DCAF6: variants seen among roughly 807,000 people sequenced by gnomAD.
The protein encoded by DCAF6 is DDB1 and CUL4 associated factor 6.
A neutral mutation model predicts 125.1 loss-of-function variants in DCAF6; 54 were observed. The observed-to-expected ratio is 0.43, with a 90% confidence interval of 0.35 to 0.54. DCAF6 has a LOEUF of 0.54. Among genes scored for constraint, DCAF6 ranks in the 20% least tolerant of loss-of-function variants. The probability of loss-of-function intolerance (pLI) is 0.01; values close to 1 mark genes in which losing one functional copy is unlikely to be tolerated. For missense variants in DCAF6, 934 were observed against 1,161.7 expected, an observed-to-expected ratio of 0.80 and a Z score of 2.85; for synonymous variants, 371 against 390.4, an observed-to-expected ratio of 0.95 and a Z score of 0.58.
chr1:167,905,994 T>G, the DCAF6 span, among the ~76,000 whole-genome samples: 1 of 152,178 alleles, frequency 6.6e-6, no homozygotes, highest in African/African-American at 2.4e-5. Flanking sequence ...TGGAATAGGT[T>G]ATACAGAAAA....
At chr1:167,993,195 A>G in intron 6 of DCAF6, 31 bp from the exon 7 acceptor site, 1 of 1,549,094 alleles carries the variant, frequency 6.5e-7, no homozygotes, top group Admixed American at 1.9e-5. Context: ...AAACATTATT[A>G]ATTTTAAATA....
chr1:168,064,729 CA>C lies in DCAF6; in HGVS notation c.2440-859del, dbSNP rs1230251749. On this transcript the variant is annotated intron_variant, in intron 18 of 21. Coordinates refer to ENST00000367840, the MANE Select transcript of DCAF6 (RefSeq NM_001198956.2). ...GTAAATTTAACAGTAGCTCAGATAA[CA>C]ATAAAATTGTCTCCCCTCTTTTGTG... Among the ~76,000 whole-genome samples the C allele has an allele frequency of 7.2e-5, 11 of 152,200 alleles. No individual in the cohort carries two copies. The East Asian group carries it at 2.1e-3, about 29-fold the overall frequency.
intron 12 of DCAF6, among the ~76,000 whole-genome samples, chr1:168,034,111 A>G (rs564260852): frequency 5.2e-5 from 8 of 152,390 alleles, no homozygotes; most frequent in Admixed American, 2.0e-4. Flanking sequence ...GAGTAACAAC[A>G]TCAACAATTG....
At chr1:168,019,314 C>G (rs748296532) in intron 11 of DCAF6, among the ~76,000 whole-genome samples, 66 of 152,306 alleles carry the variant, frequency 4.3e-4, no homozygotes, top group Non-Finnish European at 6.9e-4. Context: ...ACCCAAAGTT[C>G]TGGGATTACA....
At chr1:168,042,981 T>G in intron 13 of DCAF6, 44 bp from the exon 14 acceptor site, 1 of 1,406,864 alleles carries the variant, frequency 7.1e-7, no homozygotes, top group Non-Finnish European at 9.9e-7. Flanking sequence ...AAGATCATAT[T>G]GATTAACTTC....
intron 1 of DCAF6, among the ~76,000 whole-genome samples, chr1:167,938,342 T>C (rs1375375794): frequency 6.6e-6 from 1 of 152,192 alleles, no homozygotes; most frequent in Admixed American, 6.5e-5. Context: ...CTTCTCCACA[T>C]TTTGGAGATC....
intron 11 of DCAF6, among the ~76,000 whole-genome samples, chr1:168,022,446 T>C (rs1461079811): frequency 6.6e-6 from 1 of 152,212 alleles, no homozygotes; most frequent in Non-Finnish European, 1.5e-5. Flanking sequence ...GTTTTTAAAG[T>C]CATGCATGTT....
At chr1:167,959,140 G>A (rs1325132786) in intron 2 of DCAF6, among the ~76,000 whole-genome samples, 1 of 152,172 alleles carries the variant, frequency 6.6e-6, no homozygotes, top group African/African-American at 2.4e-5. Context: ...ATAGTATGTA[G>A]CCTTTTCAGA....
At chr1:167,954,287 C>A (rs1251369266) in intron 2 of DCAF6, among the ~76,000 whole-genome samples, 2 of 151,986 alleles carry the variant, frequency 1.3e-5, no homozygotes, top group Non-Finnish European at 2.9e-5. Flanking sequence ...GCCACTGCAC[C>A]CCACCCACTC....
the DCAF6 span, chr1:167,901,726 C>A: frequency 6.2e-7 from 1 of 1,614,186 alleles, no homozygotes. Flanking sequence ...CATGGATCTC[C>A]AGGCTACATT....
rs189658339 is a variant in DCAF6 at position 168,003,297 on chromosome 1, C to A, written c.998-573C>A. On this transcript the variant is annotated intron_variant, in intron 8 of 21. Coordinates refer to ENST00000367840, the MANE Select transcript of DCAF6 (RefSeq NM_001198956.2). ...ACATTACACTTTTAATTTGAAAATA[C>A]CCTTGGAAAAACTTGTTTACTTGCA... Among the ~76,000 whole-genome samples, 29 of 152,108 alleles carry A rather than the reference C, an allele frequency of 1.9e-4. No homozygotes were observed. The East Asian group carries it at 5.4e-3, about 28-fold the overall frequency.
intron 21 of DCAF6, among the ~76,000 whole-genome samples, chr1:168,074,030 GGAATT>G (rs1187813496): frequency 1.3e-5 from 2 of 149,026 alleles, no homozygotes; most frequent in African/African-American, 4.9e-5. Flanking sequence ...AGATCAGTAA[GGAATT>G]GAATACTTAT....
chr1:167,889,309 T>C, the DCAF6 span, among the ~76,000 whole-genome samples: 2 of 152,204 alleles, frequency 1.3e-5, no homozygotes, highest in African/African-American at 4.8e-5. Context: ...ATCAACTGCT[T>C]TTTCAGCATC....
At chr1:167,985,745 AT>A (rs1557932769) in intron 4 of DCAF6, among the ~76,000 whole-genome samples, 1 of 152,170 alleles carries the variant, frequency 6.6e-6, no homozygotes, top group East Asian at 1.9e-4. Context: ...TTCCAAGTAA[AT>A]TTTTAAAAAG....
chr1:168,039,257 C>T (rs1043465376), intron 13 of DCAF6, among the ~76,000 whole-genome samples: 1 of 151,860 alleles, frequency 6.6e-6, no homozygotes, highest in East Asian at 1.9e-4. Flanking sequence ...TAGAAGTATA[C>T]GATTTACTGT....
chr1:167,878,255 T>C, the DCAF6 span, among the ~76,000 whole-genome samples: 2 of 152,196 alleles, frequency 1.3e-5, no homozygotes, highest in Non-Finnish European at 2.9e-5. Context: ...GAATGGGATT[T>C]TCCACCATGC....
the DCAF6 span, among the ~76,000 whole-genome samples, chr1:167,879,031 A>C: frequency 2.0e-5 from 3 of 152,162 alleles, no homozygotes; most frequent in African/African-American, 7.2e-5. Context: ...GAGACATAAA[A>C]TTGTGTCTGC....
intron 12 of DCAF6, among the ~76,000 whole-genome samples, chr1:168,035,117 G>A (rs1298974525): frequency 6.6e-6 from 1 of 152,154 alleles, no homozygotes; most frequent in Non-Finnish European, 1.5e-5. Context: ...AAGGCTAGGA[G>A]ATGAATTTAA....
chr1:168,011,982 AAAG>A (rs1684360894), intron 10 of DCAF6, among the ~76,000 whole-genome samples: 1 of 145,452 alleles, frequency 6.9e-6, no homozygotes, highest in Non-Finnish European at 1.6e-5. Flanking sequence ...CAGAAAAAAG[AAAG>A]AAAGAAAGAA....
Sources: gnomAD v4.1 joint callset for allele counts (sites outside exome capture counted in the v4.1 genomes callset) on GRCh38, gnomAD v4.1.1 for gene constraint, MANE v1.5 for transcripts, NCBI Gene and HGNC (gene_info 2026-07-23, HGNC 2026-07-21) for gene names.